ARHGAP6: variants seen among roughly 807,000 people sequenced by gnomAD.
ARHGAP6 encodes the protein Rho GTPase activating protein 6.
ARHGAP6 carries 16 observed loss-of-function variants against 55.7 expected under a neutral mutation model. The ratio of observed to expected loss-of-function variants is 0.29; its 90% confidence interval spans 0.19 to 0.44. The LOEUF is 0.44. ARHGAP6 is among the 20% of genes least tolerant of loss of function. The pLI is 1.00. For synonymous variants in ARHGAP6, 382 were observed against 360.9 expected, an observed-to-expected ratio of 1.06 and a Z score of -0.66; for missense variants, 698 against 808.9, an observed-to-expected ratio of 0.86 and a Z score of 1.66.
chrX:11,506,642 ATGGACATT>A (rs1163023869), intron 1 of ARHGAP6, among the ~76,000 whole-genome samples: 1 of 111,910 alleles, frequency 8.9e-6, no homozygotes, highest in Non-Finnish European at 1.9e-5. Flanking sequence ...TCTATCATTG[ATGGACATT>A]TGGGTTGGTT....
chrX:11,353,383 A>G (rs1470015912), intron 1 of ARHGAP6, among the ~76,000 whole-genome samples: 2 of 112,009 alleles, frequency 1.8e-5, no homozygotes, highest in African/African-American at 6.5e-5. Flanking sequence ...TAAAACAAAA[A>G]CAGCAAAAAA....
At chrX:11,253,643 T>A (rs140366709) in intron 2 of ARHGAP6, among the ~76,000 whole-genome samples, 55 of 112,239 alleles carry the variant, frequency 4.9e-4, no homozygotes, top group Non-Finnish European at 1.3e-4. Context: ...GGCTCACGCC[T>A]GTAATCCCAG....
chrX:11,256,476 A>C (rs1408308925), intron 1 of ARHGAP6, among the ~76,000 whole-genome samples: 2 of 112,142 alleles, frequency 1.8e-5, no homozygotes, highest in Non-Finnish European at 3.8e-5. Flanking sequence ...ACTTTGTTTC[A>C]CACTGGTGAC....
At chrX:11,528,392 C>T (rs1245206329) in intron 1 of ARHGAP6, among the ~76,000 whole-genome samples, 1 of 112,050 alleles carries the variant, frequency 8.9e-6, no homozygotes, top group African/African-American at 3.2e-5. Context: ...TTACCAAGGG[C>T]ATATGTTATA....
chrX:11,225,527 T>C, intron 2 of ARHGAP6: 1 of 192,097 alleles, frequency 5.2e-6, no homozygotes, highest in Non-Finnish European at 9.6e-6. Flanking sequence ...AACACAACTG[T>C]TTAAAATTGG....
At chrX:11,194,680 C>T (rs979508402) in intron 3 of ARHGAP6, among the ~76,000 whole-genome samples, 1 of 112,109 alleles carries the variant, frequency 8.9e-6, no homozygotes, top group Non-Finnish European at 1.9e-5. Flanking sequence ...GATAATTATC[C>T]AGTCTAAAAT....
At chrX:11,567,566 A>AAAAAAAAAAATATATATATATAT (rs1440758737) in intron 1 of ARHGAP6, among the ~76,000 whole-genome samples, 3 of 84,399 alleles carry the variant, frequency 3.6e-5, no homozygotes, top group African/African-American at 1.4e-4. Flanking sequence ...AAAAAAAAAA[A>AAAAAAAAAAATATATATATATAT]ATATATATAT....
chrX:11,170,422 A>T (rs779156730), intron 8 of ARHGAP6, among the ~76,000 whole-genome samples: 1 of 112,328 alleles, frequency 8.9e-6, no homozygotes, highest in East Asian at 2.8e-4. Context: ...TGTGGTAGGG[A>T]GTTCTGCAGG....
At chrX:11,187,459 G>C (rs2046400214) in intron 4 of ARHGAP6, among the ~76,000 whole-genome samples, 1 of 112,054 alleles carries the variant, frequency 8.9e-6, no homozygotes, top group South Asian at 3.7e-4. Context: ...TAGAGTTTTA[G>C]TGTTATTGTT....
At position 11,179,353 on chromosome X, in the gene ARHGAP6, G is replaced by A. The variant is rs867561221; in HGVS notation, c.1429C>T (p.Pro477Ser). ...ALLKEFLRDM[P>S]DPLLTRELYT... The stretch of plus-strand genomic sequence containing the variant: ...AGCTCCCTGGTGAGAAGGGGGTCTG[G>A]CATGTCCCTCAGGAACTCTTTCAGC... Residue 477 changes from proline (P) to serine (S), a missense_variant, in exon 7 of 13, where the codon CCA becomes TCA. Pro to Ser is a moderately conservative substitution (Grantham distance 74). Coordinates refer to ENST00000337414, the MANE Select transcript of ARHGAP6 (RefSeq NM_013427.3). The A allele has an allele frequency of 2.5e-6, 3 of 1,210,082 alleles. No homozygotes were observed. The highest frequency in any genetic ancestry group is 3.4e-6 in the Non-Finnish European group (3 of 894,755).
chrX:11,488,299 T>C (rs780238250), intron 1 of ARHGAP6, among the ~76,000 whole-genome samples: 1 of 111,895 alleles, frequency 8.9e-6, no homozygotes, highest in African/African-American at 3.2e-5. Flanking sequence ...TTGGTTATTT[T>C]TTGTAGGAAT....
intron 2 of ARHGAP6, among the ~76,000 whole-genome samples, chrX:11,248,931 G>A (rs1163123508): frequency 9.0e-6 from 1 of 111,321 alleles, no homozygotes; most frequent in African/African-American, 3.3e-5. Flanking sequence ...TTACTCAGAG[G>A]AAAAGAAGTC....
At chrX:11,387,817 C>T (rs953386392) in intron 1 of ARHGAP6, among the ~76,000 whole-genome samples, 13 of 110,820 alleles carry the variant, frequency 1.2e-4, no homozygotes, top group Middle Eastern at 4.6e-3. Flanking sequence ...GGTTTTTTGT[C>T]CTTGCGATAG....
At position 11,167,417 on chromosome X, in the gene ARHGAP6, T is replaced by C. The variant is rs746441595; in HGVS notation, c.1809+2088A>G. Among the ~76,000 whole-genome samples, 233 of 111,204 alleles carry C rather than the reference T, an allele frequency of 2.1e-3. 2 individuals carry two copies. The highest frequency in any genetic ancestry group is 3.4e-3 in the Non-Finnish European group (178 of 53,003). On this transcript the variant is annotated intron_variant, in intron 9 of 12. Transcript: ENST00000337414. ...AGGCCTCTATGAGAAGTAAAGACTA[T>C]AACTGGAGACCAAAAATATGAGAGA...
rs2046363351 is a variant in ARHGAP6 at position 11,184,642 on chromosome X, T to C, written c.1273+1594A>G. 2.7e-5 allele frequency among the ~76,000 whole-genome samples: 3 copies of C among 112,647 alleles called. No homozygotes were observed. The South Asian group carries it at 1.1e-3, about 41-fold the overall frequency. On this transcript the variant is annotated intron_variant, in intron 5 of 12. Coordinates refer to ENST00000337414, the MANE Select transcript of ARHGAP6 (RefSeq NM_013427.3). Reference sequence around the variant, plus strand: ...TTCTATTTCGTACATAGAAGATTCATTCAGTTCACTCAGAGTCTATTTCTC... The same window carrying C: ...TTCTATTTCGTACATAGAAGATTCACTCAGTTCACTCAGAGTCTATTTCTC...
intron 1 of ARHGAP6, among the ~76,000 whole-genome samples, chrX:11,623,892 G>A (rs370985054): frequency 9.0e-6 from 1 of 111,423 alleles, no homozygotes; most frequent in African/African-American, 3.3e-5. Context: ...AAATTTGTAT[G>A]CAACCACAAT....
intron 1 of ARHGAP6, among the ~76,000 whole-genome samples, chrX:11,593,417 A>G (rs1054206713): frequency 8.9e-6 from 1 of 112,060 alleles, no homozygotes; most frequent in South Asian, 3.7e-4. Context: ...ACAGTAAAAG[A>G]TCATTGGTTA....
intron 1 of ARHGAP6, among the ~76,000 whole-genome samples, chrX:11,428,166 G>A (rs2049908674): frequency 8.9e-6 from 1 of 112,628 alleles, no homozygotes; most frequent in Non-Finnish European, 1.9e-5. Flanking sequence ...ACAGTGGAAG[G>A]AGATTCAGAG....
chrX:11,594,023 C>T lies in ARHGAP6; in HGVS notation c.588+70218G>A, dbSNP rs1040746029. On this transcript the variant is annotated intron_variant, in intron 1 of 12. Transcript: ENST00000337414. ...TGAAGTTGGCCCTGGCCTTGACATA[C>T]GGTTCCCTGCTTAAAACCCTTCAAA... Among the ~76,000 whole-genome samples, 7 of 112,472 alleles carry T rather than the reference C, an allele frequency of 6.2e-5. No homozygotes were observed. The Admixed American group carries it at 6.6e-4, about 11-fold the overall frequency.
Sources: gnomAD v4.1 joint callset for allele counts (sites outside exome capture counted in the v4.1 genomes callset) on GRCh38, gnomAD v4.1.1 for gene constraint, MANE v1.5 for transcripts, NCBI Gene and HGNC (gene_info 2026-07-23, HGNC 2026-07-21) for gene names.